LY6S: variants seen among roughly 807,000 people sequenced by gnomAD.
LY6S encodes the protein lymphocyte antigen 6S.
chr8:143,045,811 A>G, the LY6S span, among the ~76,000 whole-genome samples: 1 of 151,636 alleles, frequency 6.6e-6, no homozygotes, highest in East Asian at 1.9e-4. This position sits in a 1 kb window ranked among gnomAD's most constrained non-coding sequence, Gnocchi z 5.3. Flanking sequence ...TCCATTTCAC[A>G]GGAACTTGCT....
At chr8:143,044,508 C>T in the LY6S span, 3 of 454,762 alleles carry the variant, frequency 6.6e-6, no homozygotes, top group Admixed American at 1.1e-4. Flanking sequence ...CCACCCTTCC[C>T]TGCACAGGTC....
At chr8:143,048,845 G>T in the LY6S span, among the ~76,000 whole-genome samples, 1 of 152,120 alleles carries the variant, frequency 6.6e-6, no homozygotes, top group African/African-American at 2.4e-5. Context: ...CCTTCAGATG[G>T]TCCTTCAACT....
chr8:143,072,884 G>A, the LY6S span, among the ~76,000 whole-genome samples: 5 of 80,652 alleles, frequency 6.2e-5, no homozygotes, highest in East Asian at 5.8e-4. Flanking sequence ...GACAGCCGTC[G>A]TCCCCGGGGT....
chr8:143,052,711 C>T, the LY6S span, among the ~76,000 whole-genome samples: 6 of 152,140 alleles, frequency 3.9e-5, no homozygotes, highest in Middle Eastern at 3.2e-3. Flanking sequence ...CTCCGCTCCT[C>T]GTGGAGGCCG....
At chr8:143,063,881 A>T in the LY6S span, among the ~76,000 whole-genome samples, 6 of 152,296 alleles carry the variant, frequency 3.9e-5, no homozygotes, top group South Asian at 1.2e-3. Flanking sequence ...TCCCCAAACC[A>T]ACTTTTCAGC....
chr8:143,061,769 C>A, the LY6S span, among the ~76,000 whole-genome samples: 14 of 152,316 alleles, frequency 9.2e-5, no homozygotes, highest in Admixed American at 2.6e-4. Context: ...GTCTTGAACT[C>A]CTGACCTCAG....
the LY6S span, chr8:143,044,538 C>T: frequency 3.2e-6 from 1 of 311,098 alleles, no homozygotes; most frequent in Non-Finnish European, 6.3e-6. Flanking sequence ...ATGCCCACCC[C>T]ACCCCACCCC....
At chr8:143,066,449 A>G in the LY6S span, 9 of 205,730 alleles carry the variant, frequency 4.4e-5, no homozygotes, top group Non-Finnish European at 2.0e-5. Flanking sequence ...GGTGTGAGCC[A>G]CTGCGCCCAG....
At chr8:143,070,154 T>C in the LY6S span, among the ~76,000 whole-genome samples, 1 of 151,688 alleles carries the variant, frequency 6.6e-6, no homozygotes, top group African/African-American at 2.4e-5. Flanking sequence ...CCCCTCTGTG[T>C]GTGTCTGTGT....
the LY6S span, among the ~76,000 whole-genome samples, chr8:143,072,646 G>C: frequency 8.0e-6 from 1 of 124,588 alleles, no homozygotes; most frequent in South Asian, 2.6e-4. Context: ...GACAGCCGTC[G>C]TCCTCGGGGT....
the LY6S span, among the ~76,000 whole-genome samples, chr8:143,043,739 G>A: frequency 4.6e-5 from 7 of 152,040 alleles, no homozygotes; most frequent in Admixed American, 3.9e-4. Flanking sequence ...GCAATGGGGC[G>A]ATCTCTGCTC....
the LY6S span, among the ~76,000 whole-genome samples, chr8:143,051,485 G>A: frequency 4.6e-5 from 7 of 151,928 alleles, no homozygotes; most frequent in African/African-American, 1.7e-4. Context: ...AGGTTGCAGC[G>A]ACCCAAGATC....
the LY6S span, among the ~76,000 whole-genome samples, chr8:143,041,915 G>A: frequency 1.1e-4 from 10 of 89,776 alleles, no homozygotes; most frequent in South Asian, 6.0e-4. Flanking sequence ...AGGCTGAGAC[G>A]GCCGTCCACC....
the LY6S span, among the ~76,000 whole-genome samples, chr8:143,049,806 C>G: frequency 1.3e-5 from 2 of 152,216 alleles, no homozygotes; most frequent in Non-Finnish European, 2.9e-5. Flanking sequence ...GAAACTGCTC[C>G]CCTTATGGGA....
chr8:143,073,043 A>G, the LY6S span, among the ~76,000 whole-genome samples: 1 of 142,732 alleles, frequency 7.0e-6, no homozygotes, highest in African/African-American at 2.6e-5. Flanking sequence ...CTGTTTGAGG[A>G]GACAGCCGTC....
At chr8:143,043,374 T>TGCCCCTGAG in the LY6S span, 1 of 621,142 alleles carries the variant, frequency 1.6e-6, no homozygotes, top group Non-Finnish European at 2.4e-6. Context: ...AGCAGGGCCC[T>TGCCCCTGAG]GCCCCGGGGC....
the LY6S span, among the ~76,000 whole-genome samples, chr8:143,070,476 A>ATAT: frequency 0.014 from 1,057 of 76,750 alleles, 17 homozygotes; most frequent in Non-Finnish European, 0.017. Context: ...TATATATATA[A>ATAT]ATATATATAT....
the LY6S span, among the ~76,000 whole-genome samples, chr8:143,043,865 G>A: frequency 6.6e-6 from 1 of 152,168 alleles, no homozygotes; most frequent in African/African-American, 2.4e-5. Flanking sequence ...AATAGATACA[G>A]GGTTTCTCCA....
At chr8:143,046,077 T>A in the LY6S span, among the ~76,000 whole-genome samples, 1 of 152,018 alleles carries the variant, frequency 6.6e-6, no homozygotes, top group African/African-American at 2.4e-5. Flanking sequence ...GGTCTCGAAC[T>A]CCTGACCTCA....
Sources: allele counts gnomAD v4.1 joint callset (sites outside exome capture counted in the v4.1 genomes callset), GRCh38; gene constraint gnomAD v4.1.1; non-coding constraint Gnocchi (gnomAD v3.1); transcripts MANE v1.5; gene names NCBI Gene and HGNC (gene_info 2026-07-23, HGNC 2026-07-21).